Variants in PRUNE2 observed in about 807,000 individuals in gnomAD.
PRUNE2 encodes prune homolog 2 with BCH domain, also known as protein prune homolog 2.
A neutral mutation model predicts 252.0 loss-of-function variants in PRUNE2; 164 were observed. The observed-to-expected ratio is 0.65, with a 90% CI of 0.57 to 0.74. PRUNE2 has a LOEUF of 0.74. PRUNE2 is among the 30% of genes least tolerant of loss of function. The pLI is 0.00. For missense variants in PRUNE2, 3,495 were observed against 3,711.0 expected (o/e 0.94, Z 1.51); for synonymous variants, 1,292 against 1,350.2 (o/e 0.96, Z 0.94).
In PRUNE2 at chr9:76,902,157, AT is replaced by A. The variant is rs371400962; in HGVS notation, c.36+3770del. On this transcript the variant is annotated intron_variant, in intron 1 of 18. Coordinates refer to ENST00000376718, the MANE Select transcript of PRUNE2 (RefSeq NM_015225.3). Reference sequence around the variant, plus strand: ...CCCCAGATGATTCCTCATGTACTTCATTTTTTCCCCCCAAACTTCATGGGAA... The same window carrying A: ...CCCCAGATGATTCCTCATGTACTTCATTTTTCCCCCCAAACTTCATGGGAA... Among the ~76,000 whole-genome samples the A allele has an allele frequency of 2.5e-3, 378 of 151,920 alleles. 1 individual carries two copies. Among genetic ancestry groups the A allele is most frequent in the African/African-American group, 8.3e-3 (343 of 41,408 alleles).
chr9:76,743,454 T>C (rs1013364332), intron 6 of PRUNE2, among the ~76,000 whole-genome samples: 2 of 152,218 alleles, frequency 1.3e-5, no homozygotes, highest in Non-Finnish European at 2.9e-5. Context: ...TTGGAAATAG[T>C]CTGACCGTCC....
intron 6 of PRUNE2, among the ~76,000 whole-genome samples, chr9:76,718,053 G>GA (rs2047316692): frequency 6.6e-6 from 1 of 152,132 alleles, no homozygotes; most frequent in Admixed American, 6.6e-5. Flanking sequence ...CCCAGAGGAG[G>GA]AAAACAGAAA....
intron 6 of PRUNE2, among the ~76,000 whole-genome samples, chr9:76,807,329 T>A (rs2057038107): frequency 6.6e-6 from 1 of 152,068 alleles, no homozygotes; most frequent in Non-Finnish European, 1.5e-5. Context: ...CACCTCGGAC[T>A]CCCAAAGTTC....
At chr9:76,741,122 C>G (rs1487507194) in intron 6 of PRUNE2, among the ~76,000 whole-genome samples, 1 of 152,174 alleles carries the variant, frequency 6.6e-6, no homozygotes, top group East Asian at 1.9e-4. Context: ...TAATCATATA[C>G]AAATATGGCC....
rs142731266 is a variant in PRUNE2, at chr9:76,823,677, A to C, written c.711T>G (p.Asp237Glu). 1.6e-5 allele frequency: 26 copies of C among 1,612,414 alleles called. No individual in the cohort carries two copies. The highest frequency in any genetic ancestry group is 1.6e-4 in the Middle Eastern group (1 of 6,082). Residue 237 changes from aspartate to glutamate, a missense_variant, in exon 6 of 19, where the codon GAT (aspartate) becomes GAG (glutamate). Transcript: ENST00000376718. ...TMLKDLKELSDGEIKVAISTV... is the reference protein window; with the variant it reads ...TMLKDLKELSEGEIKVAISTV... ...TACTAATGGCCACTTTTATTTCTCC[A>C]TCTGACAGCTCCTTTAGATCTTTCA...
intron 1 of PRUNE2, among the ~76,000 whole-genome samples, chr9:76,885,989 C>T (rs2062069369): frequency 6.6e-6 from 1 of 151,658 alleles, no homozygotes; most frequent in South Asian, 2.1e-4. Flanking sequence ...ACCATCCTGG[C>T]CAACATGGCG....
intron 9 of PRUNE2, 137 bp from the exon 10 acceptor site, chr9:76,655,639 G>GT (rs770500013): frequency 2.3e-5 from 15 of 645,736 alleles, no homozygotes; most frequent in Non-Finnish European, 3.6e-5. Context: ...TGAATCCACT[G>GT]TAAGTGGTCC....
intron 18 of PRUNE2, among the ~76,000 whole-genome samples, chr9:76,616,531 C>T (rs933594522): frequency 3.9e-5 from 6 of 152,154 alleles, no homozygotes; most frequent in African/African-American, 9.7e-5. Context: ...GTTTCACCAT[C>T]GGGCCCCTGA....
At chr9:76,883,281 C>T (rs1474843669) in intron 1 of PRUNE2, among the ~76,000 whole-genome samples, 1 of 152,176 alleles carries the variant, frequency 6.6e-6, no homozygotes, top group East Asian at 1.9e-4. Context: ...ATCTTACTCC[C>T]CACAGTAAAA....
intron 11 of PRUNE2, among the ~76,000 whole-genome samples, chr9:76,648,040 T>C (rs1384279739): frequency 1.3e-5 from 2 of 152,104 alleles, no homozygotes; most frequent in Non-Finnish European, 2.9e-5. Context: ...ACAAAGAAGA[T>C]ATACAGGTGA....
In PRUNE2 at chr9:76,620,392, C is replaced by T. The variant is rs28418349; in HGVS notation, c.9189-1005G>A. 7.1e-3 allele frequency among the ~76,000 whole-genome samples: 1,088 copies of T among 152,212 alleles called. 17 individuals are homozygous for T. The highest frequency in any genetic ancestry group is 0.024 in the African/African-American group (997 of 41,526). ...CTGGACTCAAGCGATCCTCCTGCCT[C>T]GGCCTCCCAAAGTGCTGGGATTACA... On this transcript the variant is annotated intron_variant, in intron 17 of 18. Transcript: ENST00000376718.
intron 1 of PRUNE2, among the ~76,000 whole-genome samples, chr9:76,899,552 T>G (rs1177326730): frequency 6.6e-6 from 1 of 152,124 alleles, no homozygotes; most frequent in African/African-American, 2.4e-5. Context: ...CACTACAAAG[T>G]GTCATGCTTT....
chr9:76,818,292 G>A (rs1261124822), intron 6 of PRUNE2, among the ~76,000 whole-genome samples: 10 of 152,170 alleles, frequency 6.6e-5, no homozygotes, highest in African/African-American at 2.2e-4. Flanking sequence ...AGACTGGTGC[G>A]CTGAGTCTCA....
intron 6 of PRUNE2, among the ~76,000 whole-genome samples, chr9:76,812,051 T>C (rs969168256): frequency 1.7e-4 from 26 of 152,206 alleles, no homozygotes; most frequent in African/African-American, 5.8e-4. Context: ...ATCCATGATG[T>C]TGTCCAGATG....
chr9:76,661,119 C>A (rs531246762), intron 9 of PRUNE2, among the ~76,000 whole-genome samples: 17 of 151,994 alleles, frequency 1.1e-4, no homozygotes, highest in South Asian at 2.1e-4. Flanking sequence ...GTCACCAAGA[C>A]CTCAGTAGCC....
At chr9:76,729,785 T>C (rs949579826) in intron 6 of PRUNE2, among the ~76,000 whole-genome samples, 19 of 152,282 alleles carry the variant, frequency 1.2e-4, no homozygotes, top group African/African-American at 4.6e-4. Flanking sequence ...TTTAAAAGCA[T>C]GGGTTTATAG....
At position 76,703,860 on chromosome 9, in the gene PRUNE2, C is replaced by T. The variant is rs374790626; in HGVS notation, c.7753G>A (p.Gly2585Arg). 6.2e-7 allele frequency: 1 copy of T among 1,613,964 alleles called. No homozygotes were observed. ...CTTGCTAACTGAGTTCCCTGCAGCC[C>T]TGTTTCTTTGGAACCTACATACAAT... Reference protein sequence around the residue: ...LELYVGSKETGLQGTQLASFP... With the variant: ...LELYVGSKETRLQGTQLASFP... Residue 2585 changes from glycine (G) to arginine (R), a missense_variant, in exon 9 of 19, where the codon GGG becomes AGG. Coordinates refer to ENST00000376718, the MANE Select transcript of PRUNE2 (RefSeq NM_015225.3).
intron 9 of PRUNE2, among the ~76,000 whole-genome samples, chr9:76,678,238 G>A (rs1004050062): frequency 6.6e-6 from 1 of 150,424 alleles, no homozygotes; most frequent in African/African-American, 2.5e-5. Flanking sequence ...TTTAATCCCA[G>A]CTACTCAGGA....
chr9:76,888,186 CA>C (rs11348531), intron 1 of PRUNE2, among the ~76,000 whole-genome samples: 1,909 of 152,320 alleles, frequency 0.013, 42 homozygotes, highest in African/African-American at 0.043. Flanking sequence ...GCACCACTAA[CA>C]ATAGGGCCGG....
Sources: allele counts gnomAD v4.1 joint callset (sites outside exome capture counted in the v4.1 genomes callset), GRCh38; gene constraint gnomAD v4.1.1; transcripts MANE v1.5; gene names NCBI Gene and HGNC (gene_info 2026-07-23, HGNC 2026-07-21).